Variants in CTNNA3 observed in about 807,000 individuals in gnomAD.
The protein encoded by CTNNA3 is catenin alpha-3.
In CTNNA3, 76 loss-of-function variants were observed where a neutral mutation model predicts 95.7. The observed-to-expected ratio is 0.79, with a 90% confidence interval of 0.66 to 0.96. The LOEUF is 0.96. CTNNA3 is among the 40% of genes least tolerant of loss of function. The pLI is 0.00. For missense variants in CTNNA3, 1,191 were observed against 1,089.8 expected (o/e 1.09, Z -1.31); for synonymous variants, 431 against 374.4 (o/e 1.15, Z -1.74).
At chr10:66,212,196 G>A (rs1721729839) in intron 13 of CTNNA3, among the ~76,000 whole-genome samples, 1 of 151,812 alleles carries the variant, frequency 6.6e-6, no homozygotes, top group African/African-American at 2.4e-5. Flanking sequence ...CACCATATTG[G>A]TCAGGCTGAT....
rs563150761 is a variant in CTNNA3, at chr10:66,035,799, T to C, written c.2159+33509A>G. On this transcript the variant is annotated intron_variant, in intron 15 of 17. Transcript: ENST00000433211. ...TGAGAAGTCTAGAAAGAATTTTGTG[T>C]AAAAGGCTAAAGATGGAGTAGAAAT... Among the ~76,000 whole-genome samples the C allele has an allele frequency of 7.9e-5, 12 of 152,212 alleles. No homozygotes were observed. In the South Asian group the frequency reaches 1.9e-3, roughly 24 times the overall value.
At chr10:66,682,685 T>C (rs1025716641) in intron 9 of CTNNA3, among the ~76,000 whole-genome samples, 26 of 151,660 alleles carry the variant, frequency 1.7e-4, no homozygotes, top group South Asian at 4.2e-4. Flanking sequence ...TTTTCAGGTT[T>C]TATTTTAGAT....
At chr10:66,440,279 T>A (rs1020515565) in intron 11 of CTNNA3, among the ~76,000 whole-genome samples, 1 of 152,186 alleles carries the variant, frequency 6.6e-6, no homozygotes, top group Admixed American at 6.5e-5. Context: ...AGCATATATA[T>A]GTTTATTTAT....
rs1234703238 is a variant in CTNNA3, at chr10:66,396,713, T to C, written c.1532-17361A>G. Among the ~76,000 whole-genome samples, 4 of 151,938 alleles carry C rather than the reference T, an allele frequency of 2.6e-5. No individual in the cohort carries two copies. In the East Asian group the frequency reaches 7.7e-4, roughly 29 times the overall value. On this transcript the variant is annotated intron_variant, in intron 11 of 17. Transcript: ENST00000433211. ...AAATTATCACCCTCAAGCAATTCCATTTCTAGTAAATAGTCCCCAAATTAC... is the reference window on the plus strand; with the variant it reads ...AAATTATCACCCTCAAGCAATTCCACTTCTAGTAAATAGTCCCCAAATTAC...
chr10:67,090,924 T>C (rs768632063), intron 7 of CTNNA3, among the ~76,000 whole-genome samples: 1 of 152,102 alleles, frequency 6.6e-6, no homozygotes, highest in Non-Finnish European at 1.5e-5. Context: ...CATATAGCAC[T>C]TATATTTTAT....
chr10:67,303,016 C>T (rs777409887), intron 5 of CTNNA3, among the ~76,000 whole-genome samples: 8 of 152,158 alleles, frequency 5.3e-5, no homozygotes, highest in African/African-American at 1.4e-4. Context: ...GGACCTCACC[C>T]GAGACCTATT....
chr10:66,615,849 G>A (rs144047219), intron 10 of CTNNA3, among the ~76,000 whole-genome samples: 3 of 151,932 alleles, frequency 2.0e-5, no homozygotes, highest in South Asian at 4.1e-4. Context: ...CTATATGCTC[G>A]TGCAATAGGT....
intron 11 of CTNNA3, among the ~76,000 whole-genome samples, chr10:66,443,938 C>T (rs139191142): frequency 0.022 from 3,367 of 151,412 alleles, 129 homozygotes; most frequent in African/African-American, 0.078. Flanking sequence ...AAAGATTAGA[C>T]GAATGGATAA....
At chr10:66,933,432 C>T (rs879787807) in intron 7 of CTNNA3, among the ~76,000 whole-genome samples, 4 of 152,176 alleles carry the variant, frequency 2.6e-5, no homozygotes, top group African/African-American at 4.8e-5. Context: ...TCAATCAGGA[C>T]GTTTACCTGT....
chr10:66,648,830 G>A (rs2894012), intron 9 of CTNNA3, among the ~76,000 whole-genome samples: 2,270 of 152,118 alleles, frequency 0.015, 152 homozygotes, highest in Admixed American at 0.11. Context: ...ATTACATAGT[G>A]GTTTATACAC....
chr10:66,483,544 T>A (rs150994451), intron 11 of CTNNA3, among the ~76,000 whole-genome samples: 1 of 152,148 alleles, frequency 6.6e-6, no homozygotes, highest in Non-Finnish European at 1.5e-5. Flanking sequence ...TTCCCTTACA[T>A]TTTAGTCTGG....
intron 11 of CTNNA3, among the ~76,000 whole-genome samples, chr10:66,459,497 C>A (rs556376393): frequency 5.9e-5 from 9 of 152,072 alleles, no homozygotes; most frequent in Non-Finnish European, 1.2e-4. Flanking sequence ...CTGGCAATAC[C>A]CAAGGGTTTC....
chr10:66,705,506 G>T (rs1418940524), intron 9 of CTNNA3, among the ~76,000 whole-genome samples: 2 of 151,856 alleles, frequency 1.3e-5, no homozygotes, highest in Non-Finnish European at 2.9e-5. Context: ...TTTTCTTTGT[G>T]GGAAGATATA....
intron 5 of CTNNA3, among the ~76,000 whole-genome samples, chr10:67,448,440 A>T (rs1846837095): frequency 6.6e-6 from 1 of 152,188 alleles, no homozygotes; most frequent in Non-Finnish European, 1.5e-5. Context: ...TAAAGCTATA[A>T]TAATAAAACA....
At chr10:67,684,669 G>A (rs886514088) in intron 1 of CTNNA3, among the ~76,000 whole-genome samples, 8 of 152,152 alleles carry the variant, frequency 5.3e-5, no homozygotes, top group African/African-American at 9.7e-5. Flanking sequence ...AAGGGCCAGC[G>A]GGTCACTCCA....
chr10:66,446,717 C>T (rs571518560), intron 11 of CTNNA3, among the ~76,000 whole-genome samples: 2 of 152,240 alleles, frequency 1.3e-5, no homozygotes, highest in South Asian at 2.1e-4. Context: ...CAGCCAATAT[C>T]ATACTGAATG....
At chr10:66,317,351 T>C (rs1445681309) in intron 12 of CTNNA3, among the ~76,000 whole-genome samples, 1 of 152,060 alleles carries the variant, frequency 6.6e-6, no homozygotes, top group East Asian at 1.9e-4. Context: ...GGTTTGTTTA[T>C]GATACAGTTT....
intron 1 of CTNNA3, among the ~76,000 whole-genome samples, chr10:67,753,870 T>G (rs1439556063): frequency 6.6e-6 from 1 of 152,226 alleles, no homozygotes; most frequent in South Asian, 2.1e-4. Flanking sequence ...TTGGTGAGAA[T>G]GTAAATTAGT....
chr10:67,133,382 C>T lies in CTNNA3; in HGVS notation c.1047+46935G>A, dbSNP rs376857714. On this transcript the variant is annotated intron_variant, in intron 7 of 17. Transcript: ENST00000433211. Reference sequence around the variant, plus strand: ...ACATACATACATATATATATATACACACACACACACACACACACACAATGG... The same window carrying T: ...ACATACATACATATATATATATACATACACACACACACACACACACAATGG... Among the ~76,000 whole-genome samples, 1,207 of 122,768 alleles carry T rather than the reference C, an allele frequency of 9.8e-3. 16 individuals are homozygous for T. The highest frequency in any genetic ancestry group is 0.033 in the African/African-American group (942 of 28,766). The allele number at this position is 122,768 out of a possible 152,430, so 80.5% of individuals were successfully genotyped here.
Sources: gnomAD v4.1 joint callset for allele counts (sites outside exome capture counted in the v4.1 genomes callset) on GRCh38, gnomAD v4.1.1 for gene constraint, MANE v1.5 for transcripts, NCBI Gene and HGNC (gene_info 2026-07-23, HGNC 2026-07-21) for gene names.